The following NHSL3 variants were observed in gnomAD, a reference collection of about 807,000 sequenced individuals.
NHSL3 encodes the protein NHS like 3, also known as NHS-like protein 3.
At chr1:32,747,913 A>G in the NHSL3 span, among the ~76,000 whole-genome samples, 1 of 152,160 alleles carries the variant, frequency 6.6e-6, no homozygotes, top group Non-Finnish European at 1.5e-5. Context: ...GTTTGAGACT[A>G]GCCTGGCCAA....
chr1:32,754,562 G>C, the NHSL3 span, among the ~76,000 whole-genome samples: 1 of 152,064 alleles, frequency 6.6e-6, no homozygotes, highest in African/African-American at 2.4e-5. Context: ...CCCACGCGCA[G>C]ATCCAGACAC....
At chr1:32,770,361 G>A in the NHSL3 span, 7 of 1,609,882 alleles carry the variant, frequency 4.3e-6, no homozygotes, top group Admixed American at 1.0e-4. The surrounding 1 kb of genome is among the most constrained non-coding windows in gnomAD (Gnocchi z 8.3). Flanking sequence ...GCTCGCTGGG[G>A]CGCTTCTCCT....
chr1:32,755,226 C>T, the NHSL3 span, among the ~76,000 whole-genome samples: 1 of 152,168 alleles, frequency 6.6e-6, no homozygotes, highest in Admixed American at 6.5e-5. Context: ...GTGATGGTAC[C>T]ATTCCCTCCT....
chr1:32,768,170 G>A, the NHSL3 span: 2 of 1,208,374 alleles, frequency 1.7e-6, no homozygotes, highest in Non-Finnish European at 2.4e-6. Flanking sequence ...CTTGACCCCT[G>A]GCAAGGATGT....
chr1:32,768,167 C>G, the NHSL3 span: 1 of 1,243,490 alleles, frequency 8.0e-7, no homozygotes, highest in African/African-American at 1.5e-5. Context: ...CTGCTTGACC[C>G]CTGGCAAGGA....
chr1:32,771,408 C>T, the NHSL3 span: 3 of 1,588,594 alleles, frequency 1.9e-6, no homozygotes, highest in East Asian at 2.3e-5. Flanking sequence ...CCCCACCACC[C>T]ACTAAGAAGC....
the NHSL3 span, among the ~76,000 whole-genome samples, chr1:32,762,821 C>T: frequency 2.0e-5 from 3 of 152,146 alleles, no homozygotes; most frequent in Non-Finnish European, 2.9e-5. Flanking sequence ...AACTCCTGAC[C>T]TCGTGATCCA....
At chr1:32,748,057 C>T in the NHSL3 span, among the ~76,000 whole-genome samples, 1 of 152,206 alleles carries the variant, frequency 6.6e-6, no homozygotes, top group Non-Finnish European at 1.5e-5. Context: ...TTGCAGTGAG[C>T]TGTGATCACG....
the NHSL3 span, among the ~76,000 whole-genome samples, chr1:32,744,306 CCAGTCT>C: frequency 1.3e-5 from 2 of 152,254 alleles, no homozygotes; most frequent in Non-Finnish European, 2.9e-5. Context: ...GTTTTGAGCA[CCAGTCT>C]TCCATGATTC....
chr1:32,749,322 G>A, the NHSL3 span, among the ~76,000 whole-genome samples: 104 of 152,276 alleles, frequency 6.8e-4, no homozygotes, highest in Non-Finnish European at 1.3e-3. Context: ...TTGAATACCC[G>A]AAGGGCAGAG....
the NHSL3 span, among the ~76,000 whole-genome samples, chr1:32,756,894 A>G: frequency 6.6e-6 from 1 of 151,920 alleles, no homozygotes; most frequent in Non-Finnish European, 1.5e-5. Flanking sequence ...ACTTGAACCC[A>G]GGAGGTGGAG....
the NHSL3 span, chr1:32,767,968 TCTCCA>T: frequency 6.2e-7 from 1 of 1,612,254 alleles, no homozygotes; most frequent in African/African-American, 1.3e-5. Context: ...GTAAGCTTCC[TCTCCA>T]CTCCCCTCCC....
chr1:32,756,127 T>G, the NHSL3 span, among the ~76,000 whole-genome samples: 1 of 152,084 alleles, frequency 6.6e-6, no homozygotes, highest in Non-Finnish European at 1.5e-5. Context: ...TGAAAAAAAT[T>G]AGAAAGCAAT....
At chr1:32,742,063 G>A in the NHSL3 span, 2 of 1,262,470 alleles carry the variant, frequency 1.6e-6, no homozygotes, top group Non-Finnish European at 2.0e-6. Context: ...CCTCCGCCGC[G>A]CCTTCAGCTG....
the NHSL3 span, chr1:32,742,012 G>A: frequency 8.1e-7 from 1 of 1,228,746 alleles, no homozygotes; most frequent in Non-Finnish European, 1.0e-6. Context: ...GAACCCGGGC[G>A]GCCCCCCGCG....
the NHSL3 span, chr1:32,742,280 AG>A: frequency 1.9e-5 from 22 of 1,165,362 alleles, no homozygotes; most frequent in South Asian, 3.9e-5. Flanking sequence ...GGCGTGTTGG[AG>A]GGGGGTGACC....
chr1:32,768,628 C>A, the NHSL3 span: 1 of 1,613,404 alleles, frequency 6.2e-7, no homozygotes, highest in Non-Finnish European at 8.5e-7. Context: ...ACAGCCCCAC[C>A]CAGATCTCCT....
At chr1:32,742,255 C>CG in the NHSL3 span, 2 of 1,222,978 alleles carry the variant, frequency 1.6e-6, no homozygotes, top group Non-Finnish European at 2.0e-6. Flanking sequence ...GGGGCTCTGC[C>CG]GGGGGTCCGC....
At chr1:32,747,177 T>G in the NHSL3 span, among the ~76,000 whole-genome samples, 8 of 147,122 alleles carry the variant, frequency 5.4e-5, no homozygotes, top group African/African-American at 1.0e-4. Context: ...ACAAAGATGG[T>G]TTTTTTTTTG....
Sources: gnomAD v4.1 joint callset for allele counts (sites outside exome capture counted in the v4.1 genomes callset) on GRCh38, gnomAD v4.1.1 for gene constraint, Gnocchi (gnomAD v3.1) non-coding constraint, MANE v1.5 for transcripts, NCBI Gene and HGNC (gene_info 2026-07-23, HGNC 2026-07-21) for gene names.